Variants in GPR158 observed in about 807,000 individuals in gnomAD.
GPR158 encodes G protein-coupled receptor 158.
Under a neutral mutation model 78.2 loss-of-function variants are expected in GPR158, and 30 were observed. The ratio of observed to expected loss-of-function variants is 0.38; its 90% CI spans 0.29 to 0.52. The LOEUF (loss-of-function observed/expected upper bound fraction) is 0.52. Among genes scored for constraint, GPR158 ranks in the 20% least tolerant of loss-of-function variants. The pLI is 0.83. For missense variants in GPR158, 1,463 were observed against 1,523.5 expected (o/e 0.96, Z 0.66); for synonymous variants, 581 against 591.1 (o/e 0.98, Z 0.25).
chr10:25,355,899 AT>A (rs569282249), intron 2 of GPR158, among the ~76,000 whole-genome samples: 1,735 of 152,074 alleles, frequency 0.011, 8 homozygotes, highest in Non-Finnish European at 0.016. Flanking sequence ...AGCCACTCTG[AT>A]TTAGTATCTC....
intron 2 of GPR158, among the ~76,000 whole-genome samples, chr10:25,271,696 T>G (rs1854121035): frequency 1.3e-5 from 2 of 152,316 alleles, no homozygotes; most frequent in South Asian, 4.1e-4. Context: ...AGTTTCCTTC[T>G]TGTTGGCCAA....
rs1255537799 is a variant in GPR158, at chr10:25,175,545, G to A, written c.125G>A (p.Gly42Glu). 2 of 1,611,776 alleles carry A rather than the reference G, an allele frequency of 1.2e-6. No individual in the cohort carries two copies. Among genetic ancestry groups the A allele is most frequent in the Non-Finnish European group, 1.7e-6 (2 of 1,179,878 alleles). ...PDSPRERTPK[G>E]KPHAQQPGRA... ...TCCCCTCGAGAGAGGACCCCGAAGG[G>A]GAAGCCGCACGCCCAGCAGCCGGGT... The change falls in exon 1 of 11, where the codon GGG (glycine) becomes GAG (glutamate). Residue 42 changes from glycine (G) to glutamate (E), a missense_variant. Physicochemically the swap from Gly to Glu is moderately conservative, Grantham distance 98. Transcript: ENST00000376351. This position sits in a 1 kb window ranked among gnomAD's most constrained non-coding sequence, Gnocchi z 6.4.
rs200198770 is a variant in GPR158, at chr10:25,396,632, CAAT to C, written c.1111+633_1111+635del. 5.2e-3 allele frequency among the ~76,000 whole-genome samples: 793 copies of C among 151,600 alleles called. 4 individuals are homozygous for C. The highest frequency in any genetic ancestry group is 0.017 in the African/African-American group (703 of 41,350). ...TGGACAACATAGTGAGACCTTGTCT[CAAT>C]AATAATAATAATACAATGCAGAGAT... On this transcript the variant is annotated intron_variant, in intron 3 of 10. Transcript: ENST00000376351.
At chr10:25,460,003 G>A (rs1835336526) in intron 4 of GPR158, among the ~76,000 whole-genome samples, 1 of 152,094 alleles carries the variant, frequency 6.6e-6, no homozygotes, top group Non-Finnish European at 1.5e-5. Context: ...TTCCAAACCA[G>A]AGAGTTAGGC....
chr10:25,565,249 C>T (rs2130725318), intron 6 of GPR158, among the ~76,000 whole-genome samples: 1 of 152,284 alleles, frequency 6.6e-6, no homozygotes, highest in African/African-American at 2.4e-5. Context: ...AAATAAACAT[C>T]TCCCAACTTC....
At chr10:25,291,579 T>G (rs369567508) in intron 2 of GPR158, among the ~76,000 whole-genome samples, 5 of 152,224 alleles carry the variant, frequency 3.3e-5, no homozygotes, top group Admixed American at 1.3e-4. Flanking sequence ...GAACTAAAGT[T>G]AGCATACCTT....
At chr10:25,219,291 T>C (rs1564394308) in intron 1 of GPR158, among the ~76,000 whole-genome samples, 1 of 152,238 alleles carries the variant, frequency 6.6e-6, no homozygotes, top group Non-Finnish European at 1.5e-5. Flanking sequence ...GGGGTAGGTT[T>C]GCCTTTCTGT....
intron 2 of GPR158, among the ~76,000 whole-genome samples, chr10:25,386,827 T>G (rs962879555): frequency 6.6e-6 from 1 of 152,220 alleles, no homozygotes; most frequent in Non-Finnish European, 1.5e-5. Context: ...CCTACATGTT[T>G]GCTGGATACA....
At position 25,247,144 on chromosome 10, in the gene GPR158, C is replaced by T. The variant is rs138343146; in HGVS notation, c.1008+25987C>T. Among the ~76,000 whole-genome samples, 1,240 of 152,176 alleles carry T rather than the reference C, an allele frequency of 8.1e-3. 8 individuals carry two copies. The highest frequency in any genetic ancestry group is 0.013 in the Non-Finnish European group (875 of 67,992). On this transcript the variant is annotated intron_variant, in intron 2 of 10. Transcript: ENST00000376351. ...GCCATGCTTCTTTTCCTGAGAAGGT[C>T]ATTTGTACTCTGACATCCCATTGAG...
chr10:25,578,104 A>G (rs1837130661), intron 7 of GPR158, among the ~76,000 whole-genome samples: 1 of 152,224 alleles, frequency 6.6e-6, no homozygotes, highest in South Asian at 2.1e-4. Context: ...AACAATACAT[A>G]CTATGGTACT....
intron 4 of GPR158, among the ~76,000 whole-genome samples, chr10:25,440,461 A>C (rs960205891): frequency 4.6e-5 from 7 of 152,224 alleles, no homozygotes; most frequent in Non-Finnish European, 8.8e-5. Flanking sequence ...TCAATTTTCC[A>C]TAATAGCACC....
At chr10:25,422,628 C>T (rs201268726) in intron 4 of GPR158, among the ~76,000 whole-genome samples, 2 of 143,210 alleles carry the variant, frequency 1.4e-5, no homozygotes, top group African/African-American at 5.1e-5. Context: ...ATTGTATTTG[C>T]AAAAAAAAAA....
chr10:25,458,273 G>A (rs1411570973), intron 4 of GPR158, among the ~76,000 whole-genome samples: 4 of 152,124 alleles, frequency 2.6e-5, no homozygotes, highest in African/African-American at 9.7e-5. Context: ...AGTTAAGACC[G>A]TCAAGAATTT....
chr10:25,379,003 C>T (rs1383989224), intron 2 of GPR158, among the ~76,000 whole-genome samples: 1 of 152,066 alleles, frequency 6.6e-6, no homozygotes, highest in Non-Finnish European at 1.5e-5. Context: ...GTTGCCCAGG[C>T]TGGTCTCAAA....
intron 1 of GPR158, among the ~76,000 whole-genome samples, chr10:25,187,207 C>T (rs1164135580): frequency 2.0e-5 from 3 of 151,772 alleles, no homozygotes; most frequent in East Asian, 2.0e-4. Flanking sequence ...CCTCGTGATC[C>T]GCCTGTCTTG....
chr10:25,564,888 T>G (rs1432521394), intron 6 of GPR158, among the ~76,000 whole-genome samples: 1 of 152,186 alleles, frequency 6.6e-6, no homozygotes, highest in Non-Finnish European at 1.5e-5. Flanking sequence ...CTGATAGACT[T>G]TTGAAGTTCC....
intron 2 of GPR158, among the ~76,000 whole-genome samples, chr10:25,317,192 G>T (rs1340872360): frequency 6.6e-6 from 1 of 151,586 alleles, no homozygotes; most frequent in African/African-American, 2.4e-5. Context: ...TTACAGGCAG[G>T]CATCACCACA....
intron 4 of GPR158, among the ~76,000 whole-genome samples, chr10:25,429,885 C>A: frequency 7.1e-6 from 1 of 140,414 alleles, no homozygotes; most frequent in Non-Finnish European, 1.5e-5. Context: ...CTATCTATGA[C>A]AAACCCACAG....
chr10:25,522,761 G>C (rs961880168), intron 5 of GPR158, among the ~76,000 whole-genome samples: 17 of 152,248 alleles, frequency 1.1e-4, no homozygotes, highest in African/African-American at 4.1e-4. Flanking sequence ...TTTAGTGCTT[G>C]CCTCTAGAGA....
Sources: gnomAD v4.1 joint callset for allele counts (sites outside exome capture counted in the v4.1 genomes callset) on GRCh38, gnomAD v4.1.1 for gene constraint, Gnocchi (gnomAD v3.1) non-coding constraint, MANE v1.5 for transcripts, NCBI Gene and HGNC (gene_info 2026-07-23, HGNC 2026-07-21) for gene names.